The following EXOC6B variants were observed in gnomAD, a reference collection of about 807,000 sequenced individuals.
EXOC6B encodes exocyst complex component 6B, also known as SEC15 homolog B.
Under a neutral mutation model 113.5 loss-of-function variants are expected in EXOC6B, and 54 were observed. The ratio of observed to expected loss-of-function variants is 0.48; its 90% CI spans 0.38 to 0.60. The LOEUF (loss-of-function observed/expected upper bound fraction) is 0.60. Ranked by LOEUF, EXOC6B falls within the 20% of genes least tolerant of loss-of-function variation. The pLI is 0.00. For synonymous variants in EXOC6B, 357 were observed against 339.0 expected (o/e 1.05, Z -0.58); for missense variants, 797 against 977.5 (o/e 0.82, Z 2.46).
At chr2:72,672,322 T>C (rs1158018576) in intron 6 of EXOC6B, among the ~76,000 whole-genome samples, 3 of 150,616 alleles carry the variant, frequency 2.0e-5, no homozygotes, top group African/African-American at 7.3e-5. Flanking sequence ...CATCAATGGA[T>C]AAACAGATAA....
intron 19 of EXOC6B, among the ~76,000 whole-genome samples, chr2:72,356,527 A>T (rs962782922): frequency 6.6e-6 from 1 of 152,212 alleles, no homozygotes; most frequent in Non-Finnish European, 1.5e-5. Context: ...TGGGCAACAT[A>T]GCAAGATCCT....
intron 19 of EXOC6B, among the ~76,000 whole-genome samples, chr2:72,350,752 A>G (rs546346397): frequency 1.3e-5 from 2 of 152,282 alleles, no homozygotes; most frequent in East Asian, 3.9e-4. Context: ...AGAGAAAGAG[A>G]TTGGTGTTTA....
intron 6 of EXOC6B, among the ~76,000 whole-genome samples, chr2:72,656,084 G>A (rs1356467624): frequency 6.6e-6 from 1 of 151,968 alleles, no homozygotes; most frequent in Non-Finnish European, 1.5e-5. Flanking sequence ...AGACTAAAAT[G>A]CCTAAAAATG....
chr2:72,750,073 AAC>A (rs141961340), intron 1 of EXOC6B, among the ~76,000 whole-genome samples: 1 of 150,724 alleles, frequency 6.6e-6, no homozygotes. Flanking sequence ...CACACACACA[AAC>A]ACACACACAC....
chr2:72,400,897 A>G (rs1252245810), intron 18 of EXOC6B, among the ~76,000 whole-genome samples: 2 of 152,048 alleles, frequency 1.3e-5, no homozygotes, highest in East Asian at 3.9e-4. Context: ...TTCTCAGAAA[A>G]CTAAAAAAGA....
At chr2:72,720,542 G>GT (rs1679926825) in intron 5 of EXOC6B, among the ~76,000 whole-genome samples, 1 of 152,178 alleles carries the variant, frequency 6.6e-6, no homozygotes, top group Non-Finnish European at 1.5e-5. Context: ...GAGCTCAGGA[G>GT]TTTGAGATCT....
At chr2:72,657,829 T>C (rs1490928316) in intron 6 of EXOC6B, among the ~76,000 whole-genome samples, 1 of 151,496 alleles carries the variant, frequency 6.6e-6, no homozygotes, top group African/African-American at 2.4e-5. Context: ...GCATTTACTT[T>C]TTTTAATGTT....
At chr2:72,396,738 T>C (rs1445880365) in intron 18 of EXOC6B, among the ~76,000 whole-genome samples, 2 of 152,018 alleles carry the variant, frequency 1.3e-5, no homozygotes, top group South Asian at 2.1e-4. Flanking sequence ...TCACCTACTC[T>C]GCTACTCAGC....
intron 20 of EXOC6B, among the ~76,000 whole-genome samples, chr2:72,291,497 G>T (rs1035265561): frequency 6.6e-6 from 1 of 152,202 alleles, no homozygotes; most frequent in Admixed American, 6.5e-5. Flanking sequence ...CTCAGCGGCT[G>T]AGAAGGGAGA....
At chr2:72,447,576 G>A (rs920937962) in intron 18 of EXOC6B, among the ~76,000 whole-genome samples, 4 of 152,136 alleles carry the variant, frequency 2.6e-5, no homozygotes, top group Non-Finnish European at 4.4e-5. Context: ...TACATTAGGT[G>A]TGGCTAGACT....
chr2:72,492,442 C>T lies in EXOC6B; in HGVS notation c.1554-13G>A, dbSNP rs372921933. On this transcript the variant is annotated splice_polypyrimidine_tract_variant and intron_variant, in intron 15 of 21. Transcript: ENST00000272427. ...AACTTCAGTTGAGCTGAAAAAGAAG[C>T]ATTAAGAGTCAGTCATAGCAGGTAG... 1.4e-5 allele frequency: 22 copies of T among 1,566,724 alleles called. No homozygotes were observed. The highest frequency in any genetic ancestry group is 2.7e-5 in the African/African-American group (2 of 73,810).
rs1677924017 is a variant in EXOC6B at position 72,179,141 on chromosome 2, C to A, written c.*194G>T. ...CTTCCCCTGAGTCCCAGCCTAGCAA[C>A]ATCTCATGTACTTGCTTATTCTTGT... On this transcript the variant is annotated 3_prime_UTR_variant, in exon 22 of 22. Coordinates refer to ENST00000272427, the MANE Select transcript of EXOC6B (RefSeq NM_015189.3). 1 of 587,012 alleles carries A rather than the reference C, an allele frequency of 1.7e-6. No individual in the cohort carries two copies. Among genetic ancestry groups the A allele is most frequent in the Admixed American group, 3.5e-5 (1 of 28,336 alleles). The allele number at this position is 587,012 out of a possible 1,614,324, so 36.4% of individuals were successfully genotyped here.
chr2:72,320,342 A>G (rs903172333), intron 20 of EXOC6B, among the ~76,000 whole-genome samples: 2 of 152,048 alleles, frequency 1.3e-5, no homozygotes, highest in Non-Finnish European at 2.9e-5. Flanking sequence ...AAGACAATAT[A>G]AAAGTAAGAT....
At chr2:72,204,576 T>C (rs901532671) in intron 20 of EXOC6B, among the ~76,000 whole-genome samples, 2 of 149,586 alleles carry the variant, frequency 1.3e-5, no homozygotes, top group Non-Finnish European at 3.0e-5. Context: ...GCAGGTGACC[T>C]CCTGTTAACC....
At chr2:72,814,913 T>C (rs973978701) in intron 1 of EXOC6B, among the ~76,000 whole-genome samples, 2 of 151,860 alleles carry the variant, frequency 1.3e-5, no homozygotes, top group African/African-American at 4.8e-5. Flanking sequence ...ATGGCATGAA[T>C]CCGGGAGGCG....
rs141360765 is a variant in EXOC6B, at chr2:72,568,286, G to A, written c.846+7206C>T. Among the ~76,000 whole-genome samples, 344 of 151,984 alleles carry A rather than the reference G, an allele frequency of 2.3e-3. 1 individual carries two copies. Among genetic ancestry groups the A allele is most frequent in the Non-Finnish European group, 4.0e-3 (274 of 67,842 alleles). On this transcript the variant is annotated intron_variant, in intron 7 of 21. Coordinates refer to ENST00000272427, the MANE Select transcript of EXOC6B (RefSeq NM_015189.3). ...TTGATGTGGCTGCAAGGAAAAAAACGAAGGAAAAAAATCTGCTAGAAAGAA... is the reference window on the plus strand; with the variant it reads ...TTGATGTGGCTGCAAGGAAAAAAACAAAGGAAAAAAATCTGCTAGAAAGAA...
rs568685105 is a variant in EXOC6B at position 72,445,238 on chromosome 2, C to A, written c.1980+19922G>T. Among the ~76,000 whole-genome samples, 10 of 152,322 alleles carry A rather than the reference C, an allele frequency of 6.6e-5. No homozygotes were observed. The South Asian group carries it at 2.1e-3, about 32-fold the overall frequency. On this transcript the variant is annotated intron_variant, in intron 18 of 21. Coordinates refer to ENST00000272427, the MANE Select transcript of EXOC6B (RefSeq NM_015189.3). ...TTGCTCCAGTTCCCAACAAGTTCCT[C>A]ATCTCCATTTGAGACCACCTCAGCC...
intron 6 of EXOC6B, among the ~76,000 whole-genome samples, chr2:72,613,023 A>C (rs1036627317): frequency 6.6e-6 from 1 of 152,196 alleles, no homozygotes; most frequent in African/African-American, 2.4e-5. Flanking sequence ...TGGGTGAGAG[A>C]GGAATCATTG....
chr2:72,182,955 A>C, intron 21 of EXOC6B: 1 of 1,201,602 alleles, frequency 8.3e-7, no homozygotes, highest in Non-Finnish European at 1.0e-6. Context: ...CAAAGTTAAA[A>C]TGGAAACATC....
Sources: allele counts gnomAD v4.1 joint callset (sites outside exome capture counted in the v4.1 genomes callset), GRCh38; gene constraint gnomAD v4.1.1; transcripts MANE v1.5; gene names NCBI Gene and HGNC (gene_info 2026-07-23, HGNC 2026-07-21).